The following CNTN3 variants were observed in gnomAD, a reference collection of about 807,000 sequenced individuals.
CNTN3 encodes the protein contactin-3.
CNTN3 carries 60 observed loss-of-function variants against 119.1 expected under a neutral mutation model. The observed-to-expected ratio is 0.50, with a 90% CI of 0.41 to 0.62. CNTN3 has a LOEUF of 0.62. Ranked by LOEUF, CNTN3 falls within the 20% of genes least tolerant of loss-of-function variation. The pLI, the probability that CNTN3 is intolerant of heterozygous loss-of-function variation, is 0.00. For synonymous variants in CNTN3, 450 were observed against 438.7 expected (o/e 1.03, Z -0.32); for missense variants, 1,101 against 1,242.4 (o/e 0.89, Z 1.71).
intron 1 of CNTN3, among the ~76,000 whole-genome samples, chr3:74,588,106 G>A (rs191769851): frequency 6.6e-6 from 1 of 151,976 alleles, no homozygotes; most frequent in African/African-American, 2.4e-5. Flanking sequence ...TTATTGATTT[G>A]TGTATATTGC....
chr3:74,425,321 AAGTGAG>A (rs1701679131), intron 4 of CNTN3, among the ~76,000 whole-genome samples: 1 of 152,186 alleles, frequency 6.6e-6, no homozygotes, highest in Admixed American at 6.5e-5. Context: ...TTCTGCTTAT[AAGTGAG>A]AACATACAGT....
chr3:74,504,874 A>G (rs888361451), intron 2 of CNTN3, among the ~76,000 whole-genome samples: 1 of 152,152 alleles, frequency 6.6e-6, no homozygotes, highest in African/African-American at 2.4e-5. Context: ...TAGGGTTGCT[A>G]TAACAAAGTA....
In CNTN3 at chr3:74,596,188, G is replaced by A. The variant is rs371833801; in HGVS notation, c.-81+18203C>T. Among the ~76,000 whole-genome samples, 403 of 152,174 alleles carry A rather than the reference G, an allele frequency of 2.6e-3. 3 individuals carry two copies. Among genetic ancestry groups the A allele is most frequent in the South Asian group, 0.024 (116 of 4,818 alleles). ...ACCACTGCTCAATGAAATAAAAGAC[G>A]ATACAAACAAATGGAAGAACATTCC... On this transcript the variant is annotated intron_variant, in intron 1 of 22. Transcript: ENST00000263665.
chr3:74,602,439 T>C (rs2106705809), intron 1 of CNTN3, among the ~76,000 whole-genome samples: 1 of 152,030 alleles, frequency 6.6e-6, no homozygotes, highest in Middle Eastern at 3.4e-3. Context: ...TTTTTCTACA[T>C]AGAATTATTG....
intron 2 of CNTN3, among the ~76,000 whole-genome samples, chr3:74,512,807 C>T (rs916279320): frequency 6.6e-6 from 1 of 151,312 alleles, no homozygotes; most frequent in African/African-American, 2.4e-5. Flanking sequence ...GAAACCCACA[C>T]AGTACACTGT....
chr3:74,423,214 T>C (rs899523305), intron 5 of CNTN3, among the ~76,000 whole-genome samples: 20 of 152,188 alleles, frequency 1.3e-4, no homozygotes, highest in African/African-American at 4.8e-4. Context: ...AATAAAAGCT[T>C]TTAATCAATG....
At chr3:74,452,512 TCTC>T (rs1343436932) in intron 4 of CNTN3, among the ~76,000 whole-genome samples, 1 of 147,082 alleles carries the variant, frequency 6.8e-6, no homozygotes, top group African/African-American at 2.6e-5. Flanking sequence ...TTTATTTCCT[TCTC>T]CTGCCTAATT....
intron 11 of CNTN3, among the ~76,000 whole-genome samples, chr3:74,341,983 A>G (rs1703559716): frequency 6.6e-6 from 1 of 152,162 alleles, no homozygotes; most frequent in African/African-American, 2.4e-5. Flanking sequence ...CAATCACATG[A>G]GATCGTAATG....
At chr3:74,420,921 A>G (rs1324088743) in intron 5 of CNTN3, among the ~76,000 whole-genome samples, 2 of 152,158 alleles carry the variant, frequency 1.3e-5, no homozygotes, top group African/African-American at 4.8e-5. Context: ...CTCCTGCCTC[A>G]TGTGCCATTT....
chr3:74,380,357 C>T (rs1368551299), intron 5 of CNTN3, among the ~76,000 whole-genome samples: 1 of 152,190 alleles, frequency 6.6e-6, no homozygotes, highest in Non-Finnish European at 1.5e-5. Flanking sequence ...AAATTTACGC[C>T]AAACCCTTTT....
At chr3:74,452,040 A>T (rs2106950983) in intron 4 of CNTN3, among the ~76,000 whole-genome samples, 1 of 145,748 alleles carries the variant, frequency 6.9e-6, no homozygotes, top group East Asian at 2.0e-4. Context: ...AGTTTTTTCC[A>T]ATTCTGTGAA....
chr3:74,570,206 A>T (rs1306046948), intron 1 of CNTN3, among the ~76,000 whole-genome samples: 1 of 152,028 alleles, frequency 6.6e-6, no homozygotes, highest in African/African-American at 2.4e-5. Context: ...ACTACAAGAC[A>T]TGTATATGGA....
intron 11 of CNTN3, among the ~76,000 whole-genome samples, chr3:74,349,764 T>C (rs976469108): frequency 1.3e-5 from 2 of 152,172 alleles, no homozygotes; most frequent in African/African-American, 2.4e-5. Context: ...AGAACAGGGA[T>C]TGGTCTATGG....
At chr3:74,521,623 A>T (rs1703544944) in intron 1 of CNTN3, among the ~76,000 whole-genome samples, 1 of 151,812 alleles carries the variant, frequency 6.6e-6, no homozygotes, top group Admixed American at 6.6e-5. Flanking sequence ...AAAGCATGCA[A>T]ATTATAGATA....
At chr3:74,583,787 A>G (rs770826427) in intron 1 of CNTN3, among the ~76,000 whole-genome samples, 4 of 152,238 alleles carry the variant, frequency 2.6e-5, no homozygotes, top group Non-Finnish European at 5.9e-5. Flanking sequence ...TTTTAAAGAC[A>G]GAATTGCTGT....
intron 13 of CNTN3, among the ~76,000 whole-genome samples, chr3:74,313,400 C>T (rs1702748905): frequency 6.6e-6 from 1 of 150,650 alleles, no homozygotes; most frequent in Non-Finnish European, 1.5e-5. Context: ...CAAACAAAAC[C>T]CAAGAAATAA....
chr3:74,419,934 T>C (rs946888336), intron 5 of CNTN3, among the ~76,000 whole-genome samples: 3 of 152,242 alleles, frequency 2.0e-5, no homozygotes, highest in African/African-American at 7.2e-5. Context: ...AAGTGAATGG[T>C]AATTAACACG....
chr3:74,408,827 C>A (rs560050776), intron 5 of CNTN3, among the ~76,000 whole-genome samples: 171 of 152,210 alleles, frequency 1.1e-3, no homozygotes, highest in Non-Finnish European at 2.1e-3. Context: ...TGTCTTCTAA[C>A]GAAGTCACAT....
At chr3:74,504,180 C>T (rs1703212955) in intron 2 of CNTN3, among the ~76,000 whole-genome samples, 1 of 152,054 alleles carries the variant, frequency 6.6e-6, no homozygotes, top group South Asian at 2.1e-4. Context: ...ACTGTTTTTC[C>T]TTACTGATTT....
Sources: allele counts gnomAD v4.1 joint callset (sites outside exome capture counted in the v4.1 genomes callset), GRCh38; gene constraint gnomAD v4.1.1; transcripts MANE v1.5; gene names NCBI Gene and HGNC (gene_info 2026-07-23, HGNC 2026-07-21).